DGKZ: variants seen among roughly 807,000 people sequenced by gnomAD.
DGKZ encodes the protein diacylglycerol kinase zeta, also known as DAG kinase zeta.
In DGKZ, 45 loss-of-function variants were observed where a neutral mutation model predicts 142.5. The observed-to-expected ratio is 0.32, with a 90% CI of 0.25 to 0.40. The LOEUF is 0.40. Among genes scored for constraint, DGKZ ranks in the 10% least tolerant of loss-of-function variants. The pLI, the probability that DGKZ is intolerant of heterozygous loss-of-function variation, is 1.00. For missense variants in DGKZ, 755 were observed against 1,306.5 expected (o/e 0.58, Z 6.51); for synonymous variants, 442 against 527.0 (o/e 0.84, Z 2.21).
chr11:46,378,580 A>G (rs1245278553), intron 27 of DGKZ, 80 bp downstream of exon 27: 2 of 1,580,024 alleles, frequency 1.3e-6, no homozygotes, highest in Non-Finnish European at 1.7e-6. Flanking sequence ...TTGGGCCAAG[A>G]GCTGACCTGC....
upstream of DGKZ, among the ~76,000 whole-genome samples, chr11:46,343,687 C>T (rs990289570): frequency 2.0e-5 from 3 of 152,232 alleles, no homozygotes; most frequent in African/African-American, 4.8e-5. Context: ...AACGCATTCC[C>T]CCTGGCTCCC....
intron 17 of DGKZ, 33 bp from the exon 18 acceptor site, chr11:46,374,733 A>G: frequency 6.2e-7 from 1 of 1,612,494 alleles, no homozygotes; most frequent in Non-Finnish European, 8.5e-7. Flanking sequence ...CACCTGGCAC[A>G]TGCACCTCAA....
chr11:46,337,412 C>G (rs1036136397), intron 1 of DGKZ, among the ~76,000 whole-genome samples: 1 of 150,300 alleles, frequency 6.7e-6, no homozygotes. Flanking sequence ...TCTCCTGCCT[C>G]AGCCTGCCAA....
chr11:46,362,567 C>T (rs550866409), intron 1 of DGKZ, among the ~76,000 whole-genome samples: 1 of 152,216 alleles, frequency 6.6e-6, no homozygotes, highest in Non-Finnish European at 1.5e-5. Flanking sequence ...TCTCTGTCAT[C>T]GCATCCAGAC....
chr11:46,346,611 C>A (rs903601994), upstream of DGKZ, among the ~76,000 whole-genome samples: 1 of 152,152 alleles, frequency 6.6e-6, no homozygotes, highest in Non-Finnish European at 1.5e-5. Context: ...AACCGGTAAC[C>A]ATTGTCCTGG....
upstream of DGKZ, among the ~76,000 whole-genome samples, chr11:46,344,642 T>G (rs534311873): frequency 6.6e-6 from 1 of 151,256 alleles, no homozygotes; most frequent in Non-Finnish European, 1.5e-5. Flanking sequence ...TTAGTAGAAA[T>G]GGGGTTTCAC....
chr11:46,368,458 A>G, intron 4 of DGKZ: 2 of 356,494 alleles, frequency 5.6e-6, no homozygotes, highest in Non-Finnish European at 1.1e-5. Flanking sequence ...ACCTTTCCCC[A>G]AGGGCCATTG....
chr11:46,376,390 C>T, exon 23 of DGKZ: 1 of 1,614,116 alleles, frequency 6.2e-7, no homozygotes, highest in Non-Finnish European at 8.5e-7. Flanking sequence ...AGTGGTGCTT[C>T]CTGGACGGTG....
intron 21 of DGKZ, 33 bp from the exon 22 acceptor site, chr11:46,376,033 C>T: frequency 6.2e-7 from 1 of 1,611,952 alleles, no homozygotes; most frequent in Non-Finnish European, 8.5e-7. Context: ...CTGTGGGGTG[C>T]AGCCAGCTGC....
Position 46,366,828 on chromosome 11 carries a change from G to C in DGKZ, c.162-463G>C, listed in dbSNP as rs558652927. On this transcript the variant is annotated intron_variant, in intron 1 of 30. Transcript: ENST00000527911. ...TACTATCGGCGCCTCAGCCAGCGGC[G>C]GCCCTCAGGCCAGCACCCTGGCCCT... 10 of 1,544,940 alleles carry C rather than the reference G, an allele frequency of 6.5e-6. No homozygotes were observed. The African/African-American group carries it at 1.2e-4, about 19-fold the overall frequency.
In DGKZ at chr11:46,379,188, C is replaced by T. The variant is rs2136523084; in HGVS notation, c.2540-15C>T. On this transcript the variant is annotated splice_polypyrimidine_tract_variant and intron_variant, in intron 28 of 30. Transcript: ENST00000527911. ...GGCTGCCAGGCCTCTCTGACCACCACCTCCCCTTCTCCAGCCCCCCCAGAG... is the reference window on the plus strand; with the variant it reads ...GGCTGCCAGGCCTCTCTGACCACCATCTCCCCTTCTCCAGCCCCCCCAGAG... 3 of 1,612,908 alleles carry T rather than the reference C, an allele frequency of 1.9e-6. No homozygotes were observed. The highest frequency in any genetic ancestry group is 1.1e-5 in the South Asian group (1 of 91,084).
At chr11:46,345,961 GA>G (rs1940572588), upstream of DGKZ, among the ~76,000 whole-genome samples, 1 of 152,132 alleles carries the variant, frequency 6.6e-6, no homozygotes, top group African/African-American at 2.4e-5. The surrounding 1 kb of genome is among the most constrained non-coding windows in gnomAD (Gnocchi z 4.1). Context: ...GAGCCATTGG[GA>G]AACTTCCCCA....
At position 46,374,098 on chromosome 11, in the gene DGKZ, C is replaced by T; in HGVS notation, c.1327-59C>T. 9 of 1,593,126 alleles carry T rather than the reference C, an allele frequency of 5.6e-6. No homozygotes were observed. The South Asian group carries it at 9.9e-5, about 18-fold the overall frequency. ...GAGCTGGCTCGGCCACACGAGGCCC[C>T]TGGAGCGGGGACATTTGTGAGGCCC... is the stretch of plus-strand genomic sequence containing the variant. On this transcript the variant is annotated intron_variant, in intron 14 of 30. Coordinates refer to ENST00000527911, the Ensembl canonical transcript of DGKZ.
chr11:46,380,268 G>C lies in DGKZ; in HGVS notation c.*321G>C, dbSNP rs76185627. The C allele has an allele frequency of 2.7e-3, 610 of 222,574 alleles. 3 individuals are homozygous for C. Among genetic ancestry groups the C allele is most frequent in the Non-Finnish European group, 3.9e-3 (438 of 111,768 alleles). 13.8% of individuals were successfully genotyped at this position (222,574 alleles called of 1,614,324 possible). On this transcript the variant is annotated 3_prime_UTR_variant, in exon 31 of 31. Transcript: ENST00000527911. ...CAGATGCCCTCCCAGGAGTGGAGGG[G>C]CTGGAGAGGGGGAGGCCTTCGGGAA...
At chr11:46,371,154 G>A (rs922472019) in intron 6 of DGKZ, among the ~76,000 whole-genome samples, 159 bp from the exon 7 acceptor site, 1 of 152,152 alleles carries the variant, frequency 6.6e-6, no homozygotes, top group African/African-American at 2.4e-5. Flanking sequence ...CAGTTACTTG[G>A]GGGGGCTGAG....
At position 46,347,479 on chromosome 11, in the gene DGKZ, G is replaced by A. The variant is rs951813580; in HGVS notation, c.-181G>A. 4 of 982,244 alleles carry A rather than the reference G, an allele frequency of 4.1e-6. No homozygotes were observed. The highest frequency in any genetic ancestry group is 1.8e-5 in the African/African-American group (1 of 56,768). 60.8% of individuals were successfully genotyped at this position (982,244 alleles called of 1,614,324 possible). A position where few individuals can be genotyped will look rare whatever the true frequency, so the allele number is the denominator to read the frequency against. ...GCGGCTGGCGGCACTTCCTGGAGCG[G>A]CGGCGGCAGCGGCTTCCCGGGCACC... On this transcript the variant is annotated 5_prime_UTR_variant, in exon 1 of 31. Transcript: ENST00000527911. This position sits in a 1 kb window ranked among gnomAD's most constrained non-coding sequence, Gnocchi z 6.4.
chr11:46,371,473 C>G lies in DGKZ; in HGVS notation c.643-14C>G. The G allele has an allele frequency of 6.3e-7, 1 of 1,599,972 alleles. No individual in the cohort carries two copies. Among genetic ancestry groups the G allele is most frequent in the Non-Finnish European group, 8.5e-7 (1 of 1,172,256 alleles). The stretch of plus-strand genomic sequence containing the variant: ...AACACGGTCCCGCTGAGCCCGGCCC[C>G]TCGCTCTCCTCAGTACCACAGCAAG... On this transcript the variant is annotated splice_polypyrimidine_tract_variant and intron_variant, in intron 7 of 30. Coordinates refer to ENST00000527911, the Ensembl canonical transcript of DGKZ.
intron 1 of DGKZ, chr11:46,361,633 G>T (rs751175071): frequency 3.0e-6 from 3 of 985,452 alleles, no homozygotes; most frequent in Non-Finnish European, 3.6e-6. Context: ...AGCAGAGGCC[G>T]CCAGCCCGGA....
chr11:46,376,942 G>A lies in DGKZ; in HGVS notation c.2203-131G>A, dbSNP rs1944617126. 3 of 792,102 alleles carry A rather than the reference G, an allele frequency of 3.8e-6. No homozygotes were observed. In the African/African-American group the frequency reaches 5.2e-5, roughly 14 times the overall value. The allele number at this position is 792,102 out of a possible 1,614,324, so 49.1% of individuals were successfully genotyped here. On this transcript the variant is annotated intron_variant, in intron 24 of 30. Transcript: ENST00000527911. ...GAAGGAGTGGGAGAGGGACAGGCAG[G>A]GCCCCTTGCCTGGCCACCTCCTTTC...
Sources: gnomAD v4.1 joint callset for allele counts (sites outside exome capture counted in the v4.1 genomes callset) on GRCh38, gnomAD v4.1.1 for gene constraint, Gnocchi (gnomAD v3.1) non-coding constraint, MANE v1.5 for transcripts, NCBI Gene and HGNC (gene_info 2026-07-23, HGNC 2026-07-21) for gene names.